Variants in LRIG1 observed in about 807,000 individuals in gnomAD.
LRIG1 encodes leucine rich repeats and immunoglobulin like domains 1.
In LRIG1, 48 loss-of-function variants were observed where a neutral mutation model predicts 99.2. That is an observed-to-expected ratio of 0.48 (90% CI 0.38 to 0.62). LRIG1 has a LOEUF of 0.62. Among genes scored for constraint, LRIG1 ranks in the 20% least tolerant of loss-of-function variants. LRIG1 has a pLI of 0.00. For missense variants in LRIG1, 1,646 were observed against 1,434.4 expected, an observed-to-expected ratio of 1.15 and a Z score of -2.38; for synonymous variants, 772 against 596.1, an observed-to-expected ratio of 1.29 and a Z score of -4.30.
chr3:66,397,974 C>G (rs1701919328), intron 11 of LRIG1, 138 bp downstream of exon 11: 6 of 672,534 alleles, frequency 8.9e-6, no homozygotes, highest in Admixed American at 2.6e-5. Flanking sequence ...GTAGTCATGA[C>G]AGAGACTCTG....
At chr3:66,410,397 G>A (rs1702426976) in intron 6 of LRIG1, 125 bp from the exon 7 acceptor site, 1 of 861,584 alleles carries the variant, frequency 1.2e-6, no homozygotes, top group Admixed American at 2.6e-5. Context: ...GTGCACGACA[G>A]AACTGTGGAG....
At chr3:66,397,305 T>C (rs924410888) in intron 11 of LRIG1, among the ~76,000 whole-genome samples, 3 of 152,060 alleles carry the variant, frequency 2.0e-5, no homozygotes, top group African/African-American at 7.2e-5. Flanking sequence ...CCTCGGGGAA[T>C]GGGGATGAGG....
chr3:66,467,188 C>CCCAA (rs1165423671), intron 1 of LRIG1, among the ~76,000 whole-genome samples: 6 of 152,248 alleles, frequency 3.9e-5, no homozygotes, highest in Middle Eastern at 3.4e-3. Flanking sequence ...GTCCCCTTGC[C>CCCAA]CCAACCCCAA....
At chr3:66,441,318 T>G (rs1703530688) in intron 3 of LRIG1, among the ~76,000 whole-genome samples, 1 of 152,204 alleles carries the variant, frequency 6.6e-6, no homozygotes, top group South Asian at 2.1e-4. Flanking sequence ...TGCCTTGAAG[T>G]GATGTCTTCG....
chr3:66,421,521 C>T (rs766461953), intron 3 of LRIG1, among the ~76,000 whole-genome samples: 7 of 152,210 alleles, frequency 4.6e-5, no homozygotes, highest in Non-Finnish European at 7.3e-5. Flanking sequence ...TGATGCAAGA[C>T]GTGGGTTCCC....
At chr3:66,403,077 G>T (rs1311787587) in intron 9 of LRIG1, among the ~76,000 whole-genome samples, 1 of 152,128 alleles carries the variant, frequency 6.6e-6, no homozygotes, top group African/African-American at 2.4e-5. Flanking sequence ...TACCATGCTA[G>T]GTAGACGGAG....
At chr3:66,440,203 G>A (rs912202906) in intron 3 of LRIG1, among the ~76,000 whole-genome samples, 1 of 152,042 alleles carries the variant, frequency 6.6e-6, no homozygotes, top group Non-Finnish European at 1.5e-5. Flanking sequence ...CCACCACAAC[G>A]CCTGGGCCCA....
intron 12 of LRIG1, 177 bp from the exon 13 acceptor site, chr3:66,386,478 C>T (rs1701382753): frequency 1.6e-6 from 1 of 606,882 alleles, no homozygotes. Context: ...GGACATCTGA[C>T]CTCATCTAAT....
intron 1 of LRIG1, among the ~76,000 whole-genome samples, chr3:66,465,006 G>A (rs1366427116): frequency 2.0e-5 from 3 of 152,132 alleles, no homozygotes; most frequent in African/African-American, 4.8e-5. Flanking sequence ...AAGTGGAAAC[G>A]TTAAGTTTTC....
intron 2 of LRIG1, among the ~76,000 whole-genome samples, chr3:66,462,001 T>C (rs539575929): frequency 4.3e-4 from 65 of 152,244 alleles, no homozygotes; most frequent in South Asian, 8.3e-4. Context: ...TCCCAGCACA[T>C]TGGGAGGCCA....
At chr3:66,468,954 G>A (rs796576600) in intron 1 of LRIG1, 4 of 152,232 alleles carry the variant, frequency 2.6e-5, no homozygotes, top group African/African-American at 7.2e-5. Flanking sequence ...ATAAGACTTC[G>A]TTCAAATCCC....
chr3:66,449,193 T>C (rs931903138), intron 3 of LRIG1, among the ~76,000 whole-genome samples: 5 of 152,216 alleles, frequency 3.3e-5, no homozygotes, highest in Admixed American at 1.3e-4. Context: ...CATGAAGCAT[T>C]ATCAATAATC....
intron 7 of LRIG1, among the ~76,000 whole-genome samples, chr3:66,409,156 G>C (rs1239588416): frequency 6.6e-6 from 1 of 151,864 alleles, no homozygotes; most frequent in Non-Finnish European, 1.5e-5. Context: ...TTCAGTGGGT[G>C]AATTTTTTCC....
Position 66,407,459 on chromosome 3 carries a change from T to C in LRIG1, c.968A>G (p.Asp323Gly). ...GCTCAGCTCGGCCAGGCTCTCCTCG[T>C]CCAGCCGTGTCAGGTTGTTGAAGGA... ...VLSFNNLTRL[D>G]EESLAELSSL... is the part of the protein sequence containing the mutation. Residue 323 changes from aspartate (D) to glycine (G), a missense_variant, in exon 8 of 19, where the codon GAC becomes GGC. Asp to Gly is a moderately conservative substitution (Grantham distance 94, BLOSUM62 -1). Transcript: ENST00000273261. 1 of 1,613,856 alleles carries C rather than the reference T, an allele frequency of 6.2e-7. No individual in the cohort carries two copies. Among genetic ancestry groups the C allele is most frequent in the Non-Finnish European group, 8.5e-7 (1 of 1,180,004 alleles).
Position 66,380,422 on chromosome 3 carries a change from T to C in LRIG1, c.3123A>G (p.Ser1041=), listed in dbSNP as rs201383364. The C allele has an allele frequency of 1.8e-5, 29 of 1,614,208 alleles. No homozygotes were observed. The highest frequency in any genetic ancestry group is 1.2e-4 in the Admixed American group (7 of 60,024). Residue 1041 remains serine, a synonymous_variant, in exon 19 of 19, where the codon TCA becomes TCG. Transcript: ENST00000273261. ...CGCGCTCTGGACTGCCTGAAGTTAA[T>C]GAAGATGCAGGCTGTAGCTCTGTGG... ...PDSTELQPAS[S]LTSGSPERAE... is the part of the protein sequence containing the mutation.
At chr3:66,470,633 C>T (rs1288776442) in intron 1 of LRIG1, among the ~76,000 whole-genome samples, 1 of 152,132 alleles carries the variant, frequency 6.6e-6, no homozygotes, top group Non-Finnish European at 1.5e-5. Flanking sequence ...GTGCCAGGTC[C>T]CTCACGAACA....
At chr3:66,477,671 T>G (rs561585498) in intron 1 of LRIG1, among the ~76,000 whole-genome samples, 1 of 152,172 alleles carries the variant, frequency 6.6e-6, no homozygotes, top group African/African-American at 2.4e-5. Context: ...TCAAACCTTA[T>G]CCTTTCCACC....
chr3:66,388,206 T>C (rs571532729), intron 12 of LRIG1: 5 of 150,210 alleles, frequency 3.3e-5, no homozygotes, highest in South Asian at 2.1e-4. Context: ...TTTTGAAACT[T>C]AGAAGTACAA....
chr3:66,491,407 A>G (rs1461084477), intron 1 of LRIG1, among the ~76,000 whole-genome samples: 1 of 152,250 alleles, frequency 6.6e-6, no homozygotes, highest in Non-Finnish European at 1.5e-5. Flanking sequence ...AAGGTTAATC[A>G]GAATTGCACA....
Sources: allele counts gnomAD v4.1 joint callset (sites outside exome capture counted in the v4.1 genomes callset), GRCh38; gene constraint gnomAD v4.1.1; transcripts MANE v1.5; gene names NCBI Gene and HGNC (gene_info 2026-07-23, HGNC 2026-07-21).